LRFN5: variants seen among roughly 807,000 people sequenced by gnomAD.
LRFN5 encodes leucine-rich repeat and fibronectin type-III domain-containing protein 5.
A neutral mutation model predicts 45.6 loss-of-function variants in LRFN5; 24 were observed. That is an observed-to-expected ratio of 0.53 (90% CI 0.38 to 0.74). The LOEUF is 0.74. Ranked by LOEUF, LRFN5 falls within the 30% of genes least tolerant of loss-of-function variation. The pLI, the probability that LRFN5 is intolerant of heterozygous loss-of-function variation, is 0.00. For missense variants in LRFN5, 776 were observed against 861.5 expected (o/e 0.90, Z 1.24); for synonymous variants, 340 against 313.8 (o/e 1.08, Z -0.88).
At chr14:41,782,656 G>A (rs1056406698) in intron 2 of LRFN5, among the ~76,000 whole-genome samples, 1 of 152,104 alleles carries the variant, frequency 6.6e-6, no homozygotes, top group Non-Finnish European at 1.5e-5. Context: ...TTACTTTGAG[G>A]ATTTATGTTC....
intron 1 of LRFN5, among the ~76,000 whole-genome samples, chr14:41,675,557 A>C (rs975961392): frequency 7.9e-5 from 12 of 152,164 alleles, no homozygotes; most frequent in Non-Finnish European, 1.0e-4. Context: ...GCAGCAGTAC[A>C]GTCCAGCTTC....
intron 1 of LRFN5, among the ~76,000 whole-genome samples, chr14:41,732,917 T>C (rs1223819430): frequency 6.7e-6 from 1 of 148,802 alleles, no homozygotes; most frequent in Non-Finnish European, 1.5e-5. Context: ...AAATATCTTA[T>C]AGCTAAAAAG....
intron 2 of LRFN5, among the ~76,000 whole-genome samples, chr14:41,811,168 G>T (rs1351807524): frequency 6.6e-6 from 1 of 151,922 alleles, no homozygotes; most frequent in African/African-American, 2.4e-5. Context: ...CATATGAAAT[G>T]GCATTCAAAA....
chr14:41,876,277 CTT>C (rs34291427), intron 2 of LRFN5, among the ~76,000 whole-genome samples: 1 of 100,600 alleles, frequency 9.9e-6, no homozygotes, highest in African/African-American at 3.8e-5. Context: ...CTTTTTCTTT[CTT>C]TTTTTTTTTT....
rs1240008793 is a variant in LRFN5 at position 41,718,846 on chromosome 14, G to T, written c.-196-48008G>T. Among the ~76,000 whole-genome samples the T allele has an allele frequency of 2.0e-5, 3 of 152,148 alleles. No homozygotes were observed. In the East Asian group the frequency reaches 5.8e-4, roughly 29 times the overall value. ...TAGGTACTGCTTTATAGGTACCTATGTATGGGGCATTAACAGGGATGGAAG... is the reference window on the plus strand; with the variant it reads ...TAGGTACTGCTTTATAGGTACCTATTTATGGGGCATTAACAGGGATGGAAG... On this transcript the variant is annotated intron_variant, in intron 1 of 5. Transcript: ENST00000298119.
At chr14:41,881,051 G>A (rs1023263179) in intron 2 of LRFN5, among the ~76,000 whole-genome samples, 1 of 151,986 alleles carries the variant, frequency 6.6e-6, no homozygotes, top group Non-Finnish European at 1.5e-5. Context: ...GGTTATTTTA[G>A]GCAGGATAAA....
At chr14:41,823,358 G>C (rs1888189205) in intron 2 of LRFN5, among the ~76,000 whole-genome samples, 1 of 151,736 alleles carries the variant, frequency 6.6e-6, no homozygotes, top group Non-Finnish European at 1.5e-5. Context: ...GCATTCGCTT[G>C]TTTGGAAGAC....
chr14:41,892,315 C>CTA (rs1256699232), intron 4 of LRFN5: 1 of 902,574 alleles, frequency 1.1e-6, no homozygotes, highest in Non-Finnish European at 1.3e-6. Flanking sequence ...ACATATATAA[C>CTA]TATATATATG....
intron 5 of LRFN5, among the ~76,000 whole-genome samples, chr14:41,901,851 ATTCTT>A (rs1891111169): frequency 6.6e-6 from 1 of 152,036 alleles, no homozygotes; most frequent in African/African-American, 2.4e-5. Flanking sequence ...TTCCTATGAT[ATTCTT>A]TTCAAGTAAA....
intron 1 of LRFN5, among the ~76,000 whole-genome samples, chr14:41,762,012 C>T (rs1411031594): frequency 6.6e-6 from 1 of 151,494 alleles, no homozygotes; most frequent in Non-Finnish European, 1.5e-5. Context: ...TTTAGCATCT[C>T]TTTTTTGTAT....
intron 1 of LRFN5, among the ~76,000 whole-genome samples, chr14:41,705,600 C>G (rs139147703): frequency 6.6e-6 from 1 of 152,098 alleles, no homozygotes; most frequent in East Asian, 1.9e-4. Flanking sequence ...GGGTAATACA[C>G]TTTTCTTTTC....
chr14:41,731,855 C>G (rs1884193708), intron 1 of LRFN5: 1 of 152,024 alleles, frequency 6.6e-6, no homozygotes, highest in Non-Finnish European at 1.5e-5. Context: ...GTGCAGATGC[C>G]TCACATATCC....
At chr14:41,778,015 G>A (rs199524991) in intron 2 of LRFN5, among the ~76,000 whole-genome samples, 1 of 82,238 alleles carries the variant, frequency 1.2e-5, no homozygotes, top group Non-Finnish European at 2.3e-5. Flanking sequence ...TTTTGGTGGG[G>A]GGGGGGGATT....
At chr14:41,873,124 C>T (rs1890073982) in intron 2 of LRFN5, among the ~76,000 whole-genome samples, 3 of 152,122 alleles carry the variant, frequency 2.0e-5, no homozygotes, top group Admixed American at 2.0e-4. Flanking sequence ...GCTGCTGCAG[C>T]TGCTGCTTAT....
chr14:41,761,371 C>T (rs1051048524), intron 1 of LRFN5, among the ~76,000 whole-genome samples: 5 of 151,668 alleles, frequency 3.3e-5, no homozygotes, highest in Admixed American at 1.3e-4. Context: ...GAAGAAAATA[C>T]GGTATGTAGA....
chr14:41,899,158 T>C (rs1891031318), intron 5 of LRFN5, among the ~76,000 whole-genome samples, 198 bp downstream of exon 5: 1 of 152,080 alleles, frequency 6.6e-6, no homozygotes, highest in South Asian at 2.1e-4. Flanking sequence ...TTAGAGATAT[T>C]TGGGGTTAAC....
intron 1 of LRFN5, among the ~76,000 whole-genome samples, chr14:41,681,183 G>T (rs1434964145): frequency 6.6e-6 from 1 of 152,136 alleles, no homozygotes. Flanking sequence ...AGAAAAGAAT[G>T]TGAGTAGAAA....
chr14:41,623,419 T>C (rs1888209202), intron 1 of LRFN5, among the ~76,000 whole-genome samples: 2 of 152,068 alleles, frequency 1.3e-5, no homozygotes, highest in South Asian at 4.1e-4. Flanking sequence ...TTACCTAGTC[T>C]CGGGCAGTTC....
intron 1 of LRFN5, among the ~76,000 whole-genome samples, chr14:41,657,929 G>GAA (rs953066427): frequency 1.6e-5 from 2 of 128,636 alleles, no homozygotes; most frequent in African/African-American, 2.9e-5. Context: ...GGGAGAAAAA[G>GAA]AAAAAAAAAA....
Sources: allele counts gnomAD v4.1 joint callset (sites outside exome capture counted in the v4.1 genomes callset), GRCh38; gene constraint gnomAD v4.1.1; transcripts MANE v1.5; gene names NCBI Gene and HGNC (gene_info 2026-07-23, HGNC 2026-07-21).